The following ZNF536 variants were observed in gnomAD, a reference collection of about 807,000 sequenced individuals.
The protein encoded by ZNF536 is zinc finger protein 536.
ZNF536 carries 13 observed loss-of-function variants against 84.5 expected under a neutral mutation model. The observed-to-expected ratio is 0.15, with a 90% CI of 0.10 to 0.24. The LOEUF (loss-of-function observed/expected upper bound fraction) is 0.24. Ranked by LOEUF, ZNF536 falls within the 10% of genes least tolerant of loss-of-function variation. The pLI, the probability that ZNF536 is intolerant of heterozygous loss-of-function variation, is 1.00. For missense variants in ZNF536, 1,536 were observed against 1,747.5 expected (o/e 0.88, Z 2.16); for synonymous variants, 811 against 742.5 (o/e 1.09, Z -1.50).
intron 2 of ZNF536, among the ~76,000 whole-genome samples, chr19:30,480,792 T>A (rs1401056009): frequency 6.6e-6 from 1 of 152,172 alleles, no homozygotes; most frequent in Non-Finnish European, 1.5e-5. Flanking sequence ...TCCCACCACT[T>A]TGGGAGGCCG....
chr19:30,562,835 A>C (rs568253278), downstream of ZNF536, among the ~76,000 whole-genome samples: 1 of 151,774 alleles, frequency 6.6e-6, no homozygotes, highest in Non-Finnish European at 1.5e-5. Context: ...CCACTTTTCC[A>C]TCCTGAGAAT....
chr19:30,598,770 AT>A (rs1442656525), intron 1 of ZNF536, among the ~76,000 whole-genome samples: 3 of 152,188 alleles, frequency 2.0e-5, no homozygotes, highest in Non-Finnish European at 2.9e-5. Context: ...ACTATAGTTT[AT>A]ATTTAAATTT....
At position 30,548,589 on chromosome 19, in the gene ZNF536, C is replaced by T. The variant is rs745752869; in HGVS notation, c.2970C>T (p.Ser990=). 1 of 1,614,170 alleles carries T rather than the reference C, an allele frequency of 6.2e-7. No individual in the cohort carries two copies. The highest frequency in any genetic ancestry group is 2.2e-5 in the East Asian group (1 of 44,868). ...VRPDAASLPG[S]SVTVQDSIAW... is the part of the protein sequence containing the mutation. ...CAGATGCCGCCTCCCTCCCGGGCTC[C>T]TCGGTAACTGTGCAGGACAGCATTG... is the stretch of plus-strand genomic sequence containing the variant. Residue 990 remains serine, a synonymous_variant, in exon 4 of 5, where the codon TCC becomes TCT. Coordinates refer to ENST00000355537, the MANE Select transcript of ZNF536 (RefSeq NM_014717.3).
rs150749976 is a variant in ZNF536 at position 30,359,276 on chromosome 19, G to A, written c.-3+6792G>A. ...CTGAGCACAGGGGCAGACACAGTGT[G>A]CATGGTGTGGGGAGGGCTCTCTGCA... On this transcript the variant is annotated intron_variant, in intron 3 of 5. Coordinates refer to the ZNF536 transcript ENST00000585628. 5.3e-3 allele frequency among the ~76,000 whole-genome samples: 801 copies of A among 152,352 alleles called. 11 individuals carry two copies. Among genetic ancestry groups the A allele is most frequent in the African/African-American group, 0.018 (756 of 41,576 alleles).
At chr19:30,551,364 G>A (rs1302171109) in intron 4 of ZNF536, among the ~76,000 whole-genome samples, 1 of 152,182 alleles carries the variant, frequency 6.6e-6, no homozygotes, top group Admixed American at 6.5e-5. Flanking sequence ...ACCAGGCGAG[G>A]TTGAATGGGA....
In ZNF536 at chr19:30,458,857, G is replaced by T. The variant is rs546885590; in HGVS notation, c.2170+13125G>T. ...CTCTCTTCTATCTCATTTCCCGTGGGCCCCCCTTCCACCTCCCATCTCTCC... is the reference window on the plus strand; with the variant it reads ...CTCTCTTCTATCTCATTTCCCGTGGTCCCCCCTTCCACCTCCCATCTCTCC... On this transcript the variant is annotated intron_variant, in intron 2 of 4. Transcript: ENST00000355537. Among the ~76,000 whole-genome samples the T allele has an allele frequency of 3.9e-5, 6 of 152,248 alleles. No individual in the cohort carries two copies. In the South Asian group the frequency reaches 1.2e-3, roughly 32 times the overall value.
intron 1 of ZNF536, among the ~76,000 whole-genome samples, chr19:30,425,624 C>T (rs749087883): frequency 1.3e-5 from 2 of 152,132 alleles, no homozygotes; most frequent in Non-Finnish European, 2.9e-5. Context: ...TGCCACAGCT[C>T]CAGATCTTAC....
chr19:30,375,074 G>A (rs184499605), intron 1 of ZNF536, among the ~76,000 whole-genome samples: 1 of 151,762 alleles, frequency 6.6e-6, no homozygotes, highest in African/African-American at 2.4e-5. Context: ...TACCAAAGAC[G>A]GTGGGAGTAA....
At chr19:30,473,338 G>T (rs1026330959) in intron 2 of ZNF536, among the ~76,000 whole-genome samples, 5 of 152,056 alleles carry the variant, frequency 3.3e-5, no homozygotes, top group Non-Finnish European at 7.3e-5. Flanking sequence ...ATATCCTTTG[G>T]TGTTTTAGCC....
At chr19:30,558,147 A>C (rs1229517240), downstream of ZNF536, 2 of 152,200 alleles carry the variant, frequency 1.3e-5, no homozygotes, top group Admixed American at 6.5e-5. Context: ...TCAACAGGAC[A>C]TTCAGGGAAT....
intron 1 of ZNF536, among the ~76,000 whole-genome samples, chr19:30,280,722 A>T (rs1452955240): frequency 1.3e-5 from 2 of 151,290 alleles, no homozygotes; most frequent in Non-Finnish European, 2.9e-5. Context: ...CTGGCCAATC[A>T]CTCTCTCCCT....
At chr19:30,700,242 C>T (rs201148869) in intron 1 of ZNF536, among the ~76,000 whole-genome samples, 15,088 of 104,096 alleles carry the variant, frequency 0.14, 1,012 homozygotes, top group African/African-American at 0.15. Flanking sequence ...CTTTCTTTCT[C>T]TCTCTCTCTC....
chr19:30,393,440 T>C (rs1397089568), intron 1 of ZNF536, among the ~76,000 whole-genome samples: 3 of 152,202 alleles, frequency 2.0e-5, no homozygotes, highest in Non-Finnish European at 2.9e-5. Flanking sequence ...ATGAGTGAAA[T>C]AGACTTGATC....
chr19:30,307,959 A>G (rs891140238), intron 2 of ZNF536, among the ~76,000 whole-genome samples: 1 of 152,252 alleles, frequency 6.6e-6, no homozygotes, highest in African/African-American at 2.4e-5. Flanking sequence ...ACTTAAACAC[A>G]GTAATTGGCA....
intron 2 of ZNF536, among the ~76,000 whole-genome samples, chr19:30,499,381 A>G (rs146864093): frequency 1.8e-3 from 267 of 152,140 alleles, no homozygotes; most frequent in African/African-American, 6.2e-3. Flanking sequence ...ATGTATGTAT[A>G]TGTCTATGTA....
intron 1 of ZNF536, among the ~76,000 whole-genome samples, chr19:30,628,441 T>TC (rs889276167): frequency 8.6e-5 from 13 of 151,560 alleles, no homozygotes; most frequent in Non-Finnish European, 2.9e-5. Context: ...TTTTTTTTTT[T>TC]TTTTTGAGAC....
intron 1 of ZNF536, among the ~76,000 whole-genome samples, chr19:30,373,082 G>A (rs1033020640): frequency 3.3e-5 from 5 of 152,162 alleles, no homozygotes. Flanking sequence ...TGATCCAATT[G>A]GGTTCTGCTT....
At chr19:30,610,247 T>C (rs778442882) in intron 1 of ZNF536, among the ~76,000 whole-genome samples, 6 of 152,260 alleles carry the variant, frequency 3.9e-5, no homozygotes, top group Non-Finnish European at 7.3e-5. Context: ...ATCTAAAACA[T>C]GGACCTAAAT....
intron 1 of ZNF536, among the ~76,000 whole-genome samples, chr19:30,413,520 C>T (rs2050583782): frequency 6.6e-6 from 1 of 152,110 alleles, no homozygotes; most frequent in Non-Finnish European, 1.5e-5. Context: ...ATACATGTAA[C>T]ATTTTTGAGA....
Sources: gnomAD v4.1 joint callset for allele counts (sites outside exome capture counted in the v4.1 genomes callset) on GRCh38, gnomAD v4.1.1 for gene constraint, MANE v1.5 for transcripts, NCBI Gene and HGNC (gene_info 2026-07-23, HGNC 2026-07-21) for gene names.